Variants in LPCAT2 observed in about 807,000 individuals in gnomAD.
The protein encoded by LPCAT2 is lysophosphatidylcholine acyltransferase 2, also known as 1-AGP acyltransferase 11.
A neutral mutation model predicts 64.7 loss-of-function variants in LPCAT2; 58 were observed. The ratio of observed to expected loss-of-function variants is 0.90; its 90% CI spans 0.73 to 1.12. The LOEUF (loss-of-function observed/expected upper bound fraction) is 1.12, where lower values mean the gene tolerates loss of function less well. LPCAT2 is among the 50% of genes most tolerant of loss of function. The pLI, the probability that LPCAT2 is intolerant of heterozygous loss-of-function variation, is 0.00. For missense variants in LPCAT2, 579 were observed against 669.8 expected, an observed-to-expected ratio of 0.86 and a Z score of 1.50; for synonymous variants, 252 against 245.3, an observed-to-expected ratio of 1.03 and a Z score of -0.26.
chr16:55,559,041 G>T (rs1233379413), intron 11 of LPCAT2, among the ~76,000 whole-genome samples: 1 of 152,132 alleles, frequency 6.6e-6, no homozygotes, highest in Non-Finnish European at 1.5e-5. Flanking sequence ...GTAAGTAGTG[G>T]TGTATCATTC....
rs76696389 is a variant in LPCAT2, at chr16:55,560,854, T to C, written c.1215+9752T>C. Among the ~76,000 whole-genome samples the C allele has an allele frequency of 0.014, 2,099 of 152,168 alleles. 108 individuals carry two copies. The East Asian group carries it at 0.18, about 13-fold the overall frequency. On this transcript the variant is annotated intron_variant, in intron 11 of 13. Transcript: ENST00000262134. The stretch of plus-strand genomic sequence containing the variant: ...TTACATATCCTAATTCACCCAAGTA[T>C]ACAATTCAATAATTTTTTTTTTGTA...
chr16:55,529,118 C>T (rs1963216649), intron 3 of LPCAT2, among the ~76,000 whole-genome samples: 1 of 152,082 alleles, frequency 6.6e-6, no homozygotes, highest in Non-Finnish European at 1.5e-5. Context: ...AATAATGACG[C>T]AAGTGAAGTG....
At chr16:55,511,878 T>G (rs1399997212) in intron 1 of LPCAT2, among the ~76,000 whole-genome samples, 2 of 152,226 alleles carry the variant, frequency 1.3e-5, no homozygotes, top group African/African-American at 4.8e-5. Context: ...TATGGTCCTT[T>G]CTTTCAGTCA....
chr16:55,513,018 A>G (rs971767139), intron 1 of LPCAT2, among the ~76,000 whole-genome samples: 6 of 152,190 alleles, frequency 3.9e-5, no homozygotes, highest in Admixed American at 2.0e-4. Flanking sequence ...GGATAACAGA[A>G]TCCAGAATAT....
chr16:55,525,364 T>C (rs1054192356), intron 1 of LPCAT2, 144 bp from the exon 2 acceptor site: 75 of 563,154 alleles, frequency 1.3e-4, no homozygotes, highest in Non-Finnish European at 2.0e-4. Flanking sequence ...TGTGCTTAAA[T>C]CCTTGTCTGG....
intron 6 of LPCAT2, among the ~76,000 whole-genome samples, chr16:55,533,406 G>GTTTTTTTTTTTTTTTTTTTTT (rs11335464): frequency 1.0e-5 from 1 of 96,444 alleles, no homozygotes; most frequent in African/African-American, 4.1e-5. Context: ...TGTTTTTCGG[G>GTTTTTTTTTTTTTTTTTTTTT]TTTTTTTTTT....
chr16:55,570,088 C>T (rs1001522474), intron 11 of LPCAT2, among the ~76,000 whole-genome samples: 5 of 152,138 alleles, frequency 3.3e-5, no homozygotes, highest in African/African-American at 4.8e-5. Context: ...TATACATCTA[C>T]ATTTTTAAAT....
At position 55,517,060 on chromosome 16, in the gene LPCAT2, A is replaced by C. The variant is rs79406787; in HGVS notation, c.171+7708A>C. The stretch of plus-strand genomic sequence containing the variant: ...TTCCAAAGTAATAATAAAACAATAG[A>C]GAAAAATAACAACTCCAGAAGTTGG... On this transcript the variant is annotated intron_variant, in intron 1 of 13. Transcript: ENST00000262134. Among the ~76,000 whole-genome samples the C allele has an allele frequency of 6.6e-5, 10 of 152,292 alleles. No homozygotes were observed. In the East Asian group the frequency reaches 1.9e-3, roughly 29 times the overall value.
At position 55,509,282 on chromosome 16, in the gene LPCAT2, CCTT is replaced by C. The variant is rs1962887090; in HGVS notation, c.106_108del (p.Phe36del). On this transcript the variant is annotated inframe_deletion, in exon 1 of 14. Coordinates refer to ENST00000262134, the MANE Select transcript of LPCAT2 (RefSeq NM_017839.5). The stretch of plus-strand genomic sequence containing the variant: ...CCGCCCATGGTGCCCCGTCAGGCGT[CCTT>C]CTTCCCGCCGCCGGTGCCGAACCCC... 6.6e-7 allele frequency: 1 copy of C among 1,513,612 alleles called. No individual in the cohort carries two copies. The highest frequency in any genetic ancestry group is 8.9e-7 in the Non-Finnish European group (1 of 1,123,476). The allele number at this position is 1,513,612 out of a possible 1,614,324, so 93.8% of individuals were successfully genotyped here.
Position 55,531,975 on chromosome 16 carries a change from G to A in LPCAT2, c.703+1G>A. Reference sequence around the variant, plus strand: ...TCCTGTTTGATTACTTTTAAACCAGGTGAGAAAAATTAAATTATGTATTCT... The same window carrying A: ...TCCTGTTTGATTACTTTTAAACCAGATGAGAAAAATTAAATTATGTATTCT... On this transcript the variant is annotated splice_donor_variant, in intron 5 of 13. Transcript: ENST00000262134. LOFTEE classifies it high-confidence loss of function. 6.4e-7 allele frequency: 1 copy of A among 1,560,780 alleles called. No individual in the cohort carries two copies. Among genetic ancestry groups the A allele is most frequent in the East Asian group, 2.2e-5 (1 of 44,476 alleles).
chr16:55,570,799 T>C (rs995677647), intron 11 of LPCAT2, among the ~76,000 whole-genome samples: 14 of 152,202 alleles, frequency 9.2e-5, no homozygotes, highest in Non-Finnish European at 1.8e-4. Flanking sequence ...GATTCAATTA[T>C]GTATATGGGT....
chr16:55,509,739 A>G (rs1207732161), intron 1 of LPCAT2, among the ~76,000 whole-genome samples: 7 of 151,954 alleles, frequency 4.6e-5, no homozygotes, highest in Non-Finnish European at 8.8e-5. Context: ...AGGGGCGGAG[A>G]TGTGTGTCTG....
chr16:55,573,394 G>GTTT (rs71379092), intron 11 of LPCAT2, among the ~76,000 whole-genome samples: 1 of 147,622 alleles, frequency 6.8e-6, no homozygotes, highest in African/African-American at 2.5e-5. Flanking sequence ...TTGTTTTTTT[G>GTTT]TTTTTTTTTT....
At chr16:55,547,478 A>G (rs1963466813) in intron 9 of LPCAT2, among the ~76,000 whole-genome samples, 1 of 152,188 alleles carries the variant, frequency 6.6e-6, no homozygotes, top group African/African-American at 2.4e-5. Context: ...TAGGCCCTCA[A>G]CTTAAGTTAT....
At chr16:55,534,509 T>G in intron 7 of LPCAT2, 32 bp downstream of exon 7, 2 of 1,120,338 alleles carry the variant, frequency 1.8e-6, no homozygotes, top group Non-Finnish European at 2.5e-6. Context: ...TTAGTTTATA[T>G]AAATTTTATT....
rs747026134 is a variant in LPCAT2, at chr16:55,585,493, G to C, written c.*2395G>C. Reference sequence around the variant, plus strand: ...TTCACAGAGGCTTTTCTCCTCTCAAGACTTAAAGTAAGAATTACATTTTAT... The same window carrying C: ...TTCACAGAGGCTTTTCTCCTCTCAACACTTAAAGTAAGAATTACATTTTAT... On this transcript the variant is annotated 3_prime_UTR_variant, in exon 14 of 14. Coordinates refer to ENST00000262134, the MANE Select transcript of LPCAT2 (RefSeq NM_017839.5). 3.3e-5 allele frequency: 5 copies of C among 152,102 alleles called. No individual in the cohort carries two copies. The highest frequency in any genetic ancestry group is 6.5e-5 in the Admixed American group (1 of 15,272). 9.4% of individuals were successfully genotyped at this position (152,102 alleles called of 1,614,324 possible).
In LPCAT2 at chr16:55,545,727, T is replaced by G. The variant is rs925239466; in HGVS notation, c.853-8T>G. The G allele has an allele frequency of 1.9e-6, 3 of 1,590,686 alleles. No individual in the cohort carries two copies. The highest frequency in any genetic ancestry group is 1.3e-5 in the African/African-American group (1 of 74,272). Reference sequence around the variant, plus strand: ...ACATTGTTATGGAAAGGTATATTTGTCTTTCAGTTTATGCCAGTTCAAGTA... The same window carrying G: ...ACATTGTTATGGAAAGGTATATTTGGCTTTCAGTTTATGCCAGTTCAAGTA... On this transcript the variant is annotated splice_polypyrimidine_tract_variant and splice_region_variant and intron_variant, in intron 8 of 13. Coordinates refer to ENST00000262134, the MANE Select transcript of LPCAT2 (RefSeq NM_017839.5).
At chr16:55,521,094 A>C (rs1963089411) in intron 1 of LPCAT2, among the ~76,000 whole-genome samples, 1 of 151,848 alleles carries the variant, frequency 6.6e-6, no homozygotes, top group Admixed American at 6.5e-5. Context: ...GGAATTGATA[A>C]ATCCTTACCA....
intron 7 of LPCAT2, among the ~76,000 whole-genome samples, chr16:55,537,139 A>C (rs979164518): frequency 2.3e-4 from 35 of 152,124 alleles, no homozygotes; most frequent in African/African-American, 8.0e-4. Flanking sequence ...GGAAACTTCA[A>C]ATTTGTGGTT....
Sources: allele counts gnomAD v4.1 joint callset (sites outside exome capture counted in the v4.1 genomes callset), GRCh38; gene constraint gnomAD v4.1.1; transcripts MANE v1.5; gene names NCBI Gene and HGNC (gene_info 2026-07-23, HGNC 2026-07-21).